The following GPRC5B variants were observed in gnomAD, a reference collection of about 807,000 sequenced individuals.
GPRC5B encodes the protein G protein-coupled receptor family C group 5 member B.
In GPRC5B, 16 loss-of-function variants were observed where a neutral mutation model predicts 30.1. The ratio of observed to expected loss-of-function variants is 0.53; its 90% CI spans 0.36 to 0.81. The LOEUF is 0.81. GPRC5B is among the 30% of genes least tolerant of loss of function. GPRC5B has a pLI of 0.01. For missense variants in GPRC5B, 428 were observed against 544.7 expected (o/e 0.79, Z 2.13); for synonymous variants, 241 against 239.5 (o/e 1.01, Z -0.06).
chr16:19,876,209 C>T (rs1311605383), intron 1 of GPRC5B, among the ~76,000 whole-genome samples: 1 of 152,212 alleles, frequency 6.6e-6, no homozygotes, highest in Non-Finnish European at 1.5e-5. Flanking sequence ...GAACCAGTTG[C>T]AGTTTTGACC....
At position 19,857,564 on chromosome 16, in the gene GPRC5B, A is replaced by T. The variant is rs2056577590; in HGVS notation, c.*2936T>A. The T allele has an allele frequency of 2.7e-6, 1 of 363,702 alleles. No individual in the cohort carries two copies. Among genetic ancestry groups the T allele is most frequent in the Non-Finnish European group, 5.2e-6 (1 of 192,574 alleles). 22.5% of individuals were successfully genotyped at this position (363,702 alleles called of 1,614,324 possible). ...AGTGAGCCTTAGCTCTTCATCAGTT[A>T]ATAAAAAGCACCTGCTGAGAACTCC... On this transcript the variant is annotated 3_prime_UTR_variant, in exon 4 of 4. Coordinates refer to ENST00000300571, the MANE Select transcript of GPRC5B (RefSeq NM_016235.3).
chr16:19,878,410 A>G (rs968442239), intron 1 of GPRC5B, among the ~76,000 whole-genome samples: 1 of 151,776 alleles, frequency 6.6e-6, no homozygotes, highest in Non-Finnish European at 1.5e-5. Context: ...GGCTCAAGCC[A>G]TTATCCTGCC....
rs193040591 is a variant in GPRC5B, at chr16:19,884,614, G to C, written c.-2+113C>G. The stretch of plus-strand genomic sequence containing the variant: ...TAAACTCCCTGGCTTGGGTTGGGGG[G>C]GCGCTTAGAAAAACACAAGAAGCGG... On this transcript the variant is annotated intron_variant, in intron 1 of 3. Transcript: ENST00000300571. The C allele has an allele frequency of 5.6e-3, 4,369 of 775,242 alleles. 16 individuals carry two copies. Among genetic ancestry groups the C allele is most frequent in the Admixed American group, 7.3e-3 (117 of 16,004 alleles). 48.0% of individuals were successfully genotyped at this position (775,242 alleles called of 1,614,324 possible).
In GPRC5B at chr16:19,857,806, T is replaced by C. The variant is rs1393546902; in HGVS notation, c.*2694A>G. On this transcript the variant is annotated 3_prime_UTR_variant, in exon 4 of 4. Coordinates refer to ENST00000300571, the MANE Select transcript of GPRC5B (RefSeq NM_016235.3). ...CTTCCAACAACCAGATCTTCAACTC[T>C]GGAATCCCTGGAGATGCACAGAACT... 6.4e-6 allele frequency: 1 copy of C among 155,500 alleles called. No homozygotes were observed. Among genetic ancestry groups the C allele is most frequent in the Non-Finnish European group, 1.4e-5 (1 of 71,382 alleles). 9.6% of individuals were successfully genotyped at this position (155,500 alleles called of 1,614,324 possible).
At chr16:19,871,724 T>G (rs1161028734) in intron 2 of GPRC5B, 92 bp downstream of exon 2, 7 of 1,180,362 alleles carry the variant, frequency 5.9e-6, no homozygotes, top group South Asian at 1.4e-5. Context: ...CCCCAGGTAC[T>G]GGGACCGCCC....
intron 1 of GPRC5B, among the ~76,000 whole-genome samples, chr16:19,875,525 C>T (rs2056753824): frequency 6.6e-6 from 1 of 152,186 alleles, no homozygotes; most frequent in Non-Finnish European, 1.5e-5. Flanking sequence ...TAACTGTAAT[C>T]CCAGCACTTT....
intron 2 of GPRC5B, among the ~76,000 whole-genome samples, chr16:19,865,985 G>A (rs916589459): frequency 4.6e-5 from 7 of 152,002 alleles, no homozygotes; most frequent in African/African-American, 9.6e-5. Context: ...GCTGGAGTGC[G>A]GTGGCGTGAT....
chr16:19,857,929 A>AG lies in GPRC5B; in HGVS notation c.*2570dup, dbSNP rs1481612264. The AG allele has an allele frequency of 6.5e-6, 1 of 152,876 alleles. No individual in the cohort carries two copies. The highest frequency in any genetic ancestry group is 2.4e-5 in the African/African-American group (1 of 41,432). 9.5% of individuals were successfully genotyped at this position (152,876 alleles called of 1,614,324 possible). On this transcript the variant is annotated 3_prime_UTR_variant, in exon 4 of 4. Coordinates refer to ENST00000300571, the MANE Select transcript of GPRC5B (RefSeq NM_016235.3). ...GCTAGAATGACAATTTTCTATTAAA[A>AG]GGGGGGACAAGAGTGGCTGTTATAG...
chr16:19,863,761 A>G (rs567853094), intron 2 of GPRC5B, among the ~76,000 whole-genome samples: 139 of 152,144 alleles, frequency 9.1e-4, no homozygotes, highest in African/African-American at 3.2e-3. Flanking sequence ...TCGGCCTCCC[A>G]AAGTGCTGGG....
chr16:19,869,135 C>T (rs895817034), intron 2 of GPRC5B, among the ~76,000 whole-genome samples: 5 of 151,958 alleles, frequency 3.3e-5, no homozygotes, highest in African/African-American at 1.2e-4. Context: ...TCGAGACCAG[C>T]CTGGGCAACA....
intron 1 of GPRC5B, among the ~76,000 whole-genome samples, chr16:19,878,339 T>C (rs1306186232): frequency 1.3e-5 from 2 of 151,538 alleles, no homozygotes; most frequent in African/African-American, 4.8e-5. Context: ...AGAGTCTCGC[T>C]CTGTTGCCCA....
Position 19,859,744 on chromosome 16 carries a change from C to T in GPRC5B, c.*756G>A, listed in dbSNP as rs1363377621. 1 of 152,780 alleles carries T rather than the reference C, an allele frequency of 6.5e-6. No homozygotes were observed. Among genetic ancestry groups the T allele is most frequent in the East Asian group, 1.9e-4 (1 of 5,208 alleles). 9.5% of individuals were successfully genotyped at this position (152,780 alleles called of 1,614,324 possible). A position where few individuals can be genotyped will look rare whatever the true frequency, so the allele number is the denominator to read the frequency against. ...ACTGCTGCCCCAAGCCAGAATATTT[C>T]TATGGCTCTACAAGGGAAGGGGCGG... On this transcript the variant is annotated 3_prime_UTR_variant, in exon 4 of 4. Transcript: ENST00000300571.
rs958870958 is a variant in GPRC5B, at chr16:19,882,444, G to C, written c.-2+2283C>G. On this transcript the variant is annotated intron_variant, in intron 1 of 3. Transcript: ENST00000300571. The stretch of plus-strand genomic sequence containing the variant: ...GGAAGCTCTGCGAGAAAGTGCTTAC[G>C]GGGCCGTGGGCTCCGGGGGGCTCCG... 6 of 152,198 alleles carry C rather than the reference G, an allele frequency of 3.9e-5. No individual in the cohort carries two copies. In the South Asian group the frequency reaches 1.0e-3, roughly 26 times the overall value. 9.4% of individuals were successfully genotyped at this position (152,198 alleles called of 1,614,324 possible). A position where few individuals can be genotyped will look rare whatever the true frequency, so the allele number is the denominator to read the frequency against.
rs951169669 is a variant in GPRC5B, at chr16:19,872,936, G to A, written c.-1-90C>T. ...TCTCCTGACTTCTTGAAGAAGACTC[G>A]CCTCATTTCAAACCTGCAAGCGCAC... On this transcript the variant is annotated intron_variant, in intron 1 of 3. Coordinates refer to ENST00000300571, the MANE Select transcript of GPRC5B (RefSeq NM_016235.3). The surrounding 1 kb of genome is among the most constrained non-coding windows in gnomAD (Gnocchi z 5.0). 8 of 940,808 alleles carry A rather than the reference G, an allele frequency of 8.5e-6. No individual in the cohort carries two copies. Among genetic ancestry groups the A allele is most frequent in the Admixed American group, 2.1e-5 (1 of 46,778 alleles). 58.3% of individuals were successfully genotyped at this position (940,808 alleles called of 1,614,324 possible). A position where few individuals can be genotyped will look rare whatever the true frequency, so the allele number is the denominator to read the frequency against.
intron 2 of GPRC5B, among the ~76,000 whole-genome samples, chr16:19,866,182 C>A (rs1182579811): frequency 6.6e-6 from 1 of 152,122 alleles, no homozygotes; most frequent in African/African-American, 2.4e-5. Flanking sequence ...CTGCCTCGGC[C>A]TCCCAAAGTG....
At chr16:19,873,746 G>A (rs902868668) in intron 1 of GPRC5B, among the ~76,000 whole-genome samples, 2 of 152,076 alleles carry the variant, frequency 1.3e-5, no homozygotes, top group Non-Finnish European at 2.9e-5. Flanking sequence ...ACTCCTGGGT[G>A]CGACCTCACT....
intron 2 of GPRC5B, among the ~76,000 whole-genome samples, chr16:19,868,714 A>T (rs569221535): frequency 2.3e-4 from 35 of 152,302 alleles, no homozygotes; most frequent in African/African-American, 8.2e-4. Flanking sequence ...CAGCTGATAA[A>T]GCCACACTGG....
At chr16:19,879,405 C>A (rs2056785509) in intron 1 of GPRC5B, among the ~76,000 whole-genome samples, 1 of 151,356 alleles carries the variant, frequency 6.6e-6, no homozygotes, top group Admixed American at 6.6e-5. Context: ...TACTGCATCT[C>A]TCTCTCTCTC....
At chr16:19,868,804 C>A (rs1288503893) in intron 2 of GPRC5B, among the ~76,000 whole-genome samples, 2 of 152,136 alleles carry the variant, frequency 1.3e-5, no homozygotes, top group African/African-American at 2.4e-5. Flanking sequence ...CCCATCCACG[C>A]GGGACAGAGG....
Sources: gnomAD v4.1 joint callset for allele counts (sites outside exome capture counted in the v4.1 genomes callset) on GRCh38, gnomAD v4.1.1 for gene constraint, Gnocchi (gnomAD v3.1) non-coding constraint, MANE v1.5 for transcripts, NCBI Gene and HGNC (gene_info 2026-07-23, HGNC 2026-07-21) for gene names.